COL24A1: variants seen among roughly 807,000 people sequenced by gnomAD.
COL24A1 encodes the protein collagen type XXIV alpha 1 chain, also known as collagen alpha-1(XXIV) chain.
COL24A1 carries 224 observed loss-of-function variants against 253.9 expected under a neutral mutation model. That is an observed-to-expected ratio of 0.88 (90% confidence interval 0.79 to 0.99). COL24A1 has a LOEUF of 0.99. Ranked by LOEUF, COL24A1 falls within the 50% of genes least tolerant of loss-of-function variation. The pLI is 0.00. For synonymous variants in COL24A1, 685 were observed against 673.7 expected, an observed-to-expected ratio of 1.02 and a Z score of -0.26; for missense variants, 2,131 against 2,068.5, an observed-to-expected ratio of 1.03 and a Z score of -0.59.
intron 32 of COL24A1, among the ~76,000 whole-genome samples, chr1:85,882,479 A>T (rs1681974037): frequency 6.6e-6 from 1 of 152,174 alleles, no homozygotes; most frequent in Admixed American, 6.5e-5. Flanking sequence ...ACAAAAAACA[A>T]AAAACAAAAA....
intron 3 of COL24A1, among the ~76,000 whole-genome samples, chr1:86,123,600 T>G (rs146936418): frequency 2.2e-4 from 33 of 152,078 alleles, no homozygotes; most frequent in Middle Eastern, 3.4e-3. Context: ...ATTTTTGAAT[T>G]TACAGAAGAG....
At chr1:85,732,166 G>A (rs1570370776) in intron 59 of COL24A1, among the ~76,000 whole-genome samples, 1 of 152,142 alleles carries the variant, frequency 6.6e-6, no homozygotes, top group African/African-American at 2.4e-5. Flanking sequence ...TCAATCAAAA[G>A]TCACTAGCAG....
At chr1:86,063,359 C>G (rs189301475) in intron 8 of COL24A1, among the ~76,000 whole-genome samples, 24,051 of 117,304 alleles carry the variant, frequency 0.21, 2,003 homozygotes, top group Middle Eastern at 0.36. Flanking sequence ...GTCTCTCTCT[C>G]TGTGTGTGTG....
intron 20 of COL24A1, among the ~76,000 whole-genome samples, chr1:85,971,905 A>G (rs1350527101): frequency 6.6e-6 from 1 of 152,196 alleles, no homozygotes; most frequent in Admixed American, 6.5e-5. Context: ...TGATAAAAAG[A>G]GAAGAGGAAT....
intron 24 of COL24A1, among the ~76,000 whole-genome samples, chr1:85,926,776 C>T (rs1007680866): frequency 6.6e-6 from 1 of 151,878 alleles, no homozygotes; most frequent in African/African-American, 2.4e-5. Flanking sequence ...TGTAACAAAC[C>T]TGCACGTTGT....
chr1:86,077,251 T>C (rs939305932), intron 7 of COL24A1, among the ~76,000 whole-genome samples: 2 of 151,576 alleles, frequency 1.3e-5, no homozygotes, highest in African/African-American at 4.8e-5. Flanking sequence ...AAAGCTCATA[T>C]GGTCATTAGA....
intron 19 of COL24A1, among the ~76,000 whole-genome samples, chr1:86,006,433 G>A (rs558270856): frequency 3.1e-4 from 47 of 152,252 alleles, no homozygotes; most frequent in African/African-American, 1.1e-3. Flanking sequence ...TCAACAAACG[G>A]TGCTGAAATA....
intron 24 of COL24A1, among the ~76,000 whole-genome samples, chr1:85,915,927 C>A (rs978517516): frequency 3.3e-5 from 5 of 152,052 alleles, no homozygotes; most frequent in Non-Finnish European, 5.9e-5. Flanking sequence ...GTGATAAATC[C>A]TTTTTCTAAG....
At chr1:85,880,995 T>A (rs1354218004) in intron 32 of COL24A1, among the ~76,000 whole-genome samples, 1 of 152,230 alleles carries the variant, frequency 6.6e-6, no homozygotes, top group East Asian at 1.9e-4. Context: ...TTGTGATGTG[T>A]TTGTCTGGTT....
chr1:85,895,889 T>C lies in COL24A1; in HGVS notation c.2891A>G (p.Asn964Ser). 1.2e-6 allele frequency: 2 copies of C among 1,609,826 alleles called. No homozygotes were observed. The change falls in exon 31 of 60, where the codon AAC (asparagine) becomes AGC (serine). Residue 964 changes from asparagine to serine, a missense_variant. Coordinates refer to ENST00000370571, the MANE Select transcript of COL24A1 (RefSeq NM_152890.7). ...GPHGLIGKTG[N>S]PGERGFQGKP... is the part of the protein sequence containing the mutation. ...CCCTTGAAATCCTCTTTCTCCAGGGTTTCCAGTCTTACCCTACATGAGAAA... is the reference window on the plus strand; with the variant it reads ...CCCTTGAAATCCTCTTTCTCCAGGGCTTCCAGTCTTACCCTACATGAGAAA...
At chr1:85,930,187 C>A (rs1687681969) in intron 24 of COL24A1, among the ~76,000 whole-genome samples, 1 of 46,822 alleles carries the variant, frequency 2.1e-5, no homozygotes, top group Non-Finnish European at 3.9e-5. Flanking sequence ...AGACTGCTAG[C>A]AAGACTAATA....
At chr1:85,865,426 TGGTGTTACTAAAAAAA>T (rs1679674391) in intron 37 of COL24A1, among the ~76,000 whole-genome samples, 1 of 152,124 alleles carries the variant, frequency 6.6e-6, no homozygotes. Flanking sequence ...AACACACATG[TGGTGTTACTAAAAAAA>T]GGCACCAAAG....
At chr1:85,816,713 G>T in intron 47 of COL24A1, 75 bp downstream of exon 47, 1 of 1,284,916 alleles carries the variant, frequency 7.8e-7, no homozygotes, top group Non-Finnish European at 1.1e-6. Context: ...AAAATAGATA[G>T]CCAAAATATC....
chr1:86,114,297 TAA>T (rs1705911254), intron 4 of COL24A1, among the ~76,000 whole-genome samples: 2 of 152,064 alleles, frequency 1.3e-5, no homozygotes, highest in Non-Finnish European at 2.9e-5. Flanking sequence ...TTAGGGAAGA[TAA>T]AAGTAAAAAA....
chr1:86,047,018 T>C (rs1699958293), intron 11 of COL24A1, 149 bp from the exon 12 acceptor site: 1 of 627,378 alleles, frequency 1.6e-6, no homozygotes, highest in Non-Finnish European at 2.9e-6. Context: ...AAAGCCTCAA[T>C]ATATTAATTT....
At chr1:85,820,922 G>GT (rs1456899468) in intron 45 of COL24A1, among the ~76,000 whole-genome samples, 1 of 152,112 alleles carries the variant, frequency 6.6e-6, no homozygotes, top group Admixed American at 6.6e-5. Flanking sequence ...ACAAACGCTT[G>GT]TTTTTTGTTT....
At chr1:86,128,587 G>A (rs899812850) in intron 2 of COL24A1, among the ~76,000 whole-genome samples, 16 of 151,856 alleles carry the variant, frequency 1.1e-4, no homozygotes, top group South Asian at 2.1e-4. Flanking sequence ...CTAGTGCTTC[G>A]AATTTCTGAC....
intron 50 of COL24A1, 142 bp from the exon 51 acceptor site, chr1:85,783,700 T>G (rs1404925131): frequency 2.8e-6 from 2 of 712,766 alleles, no homozygotes; most frequent in Admixed American, 5.3e-5. Flanking sequence ...CAGAAGGAAG[T>G]GTACTGAGGC....
At chr1:86,042,686 C>T (rs1056217335) in intron 12 of COL24A1, among the ~76,000 whole-genome samples, 1 of 151,974 alleles carries the variant, frequency 6.6e-6, no homozygotes, top group African/African-American at 2.4e-5. Context: ...ATACAGACAC[C>T]ACTAAGCTCA....
Sources: gnomAD v4.1 joint callset for allele counts (sites outside exome capture counted in the v4.1 genomes callset) on GRCh38, gnomAD v4.1.1 for gene constraint, MANE v1.5 for transcripts, NCBI Gene and HGNC (gene_info 2026-07-23, HGNC 2026-07-21) for gene names.